DNAH17: variants seen among roughly 807,000 people sequenced by gnomAD.
DNAH17 encodes the protein axonemal beta dynein heavy chain 17.
A neutral mutation model predicts 485.6 loss-of-function variants in DNAH17; 376 were observed. The observed-to-expected ratio is 0.77, with a 90% CI of 0.71 to 0.84. DNAH17 has a LOEUF of 0.84. Among genes scored for constraint, DNAH17 ranks in the 40% least tolerant of loss-of-function variants. DNAH17 has a pLI of 0.00. For synonymous variants in DNAH17, 3,031 were observed against 2,405.9 expected (o/e 1.26, Z -7.60); for missense variants, 6,370 against 5,839.3 (o/e 1.09, Z -2.96).
In DNAH17 at chr17:78,439,150, C is replaced by G. The variant is rs778331560; in HGVS notation, c.11745G>C (p.Glu3915Asp). ...CGTCCAGGGCGTTCTCAGCCACCAC[C>G]TCTTGTCCCTGCCCCAGGGACACAT... ...LHNVSLGQGQ[E>D]VVAENALDVA... Residue 3915 changes from glutamate (E) to aspartate (D), a missense_variant, in exon 73 of 81, where the codon GAG (glutamate) becomes GAC (aspartate). Transcript: ENST00000389840. 20 of 1,613,700 alleles carry G rather than the reference C, an allele frequency of 1.2e-5. No individual in the cohort carries two copies. The highest frequency in any genetic ancestry group is 1.7e-5 in the Admixed American group (1 of 59,994).
In DNAH17 at chr17:78,476,667, C is replaced by T. The variant is rs748291573; in HGVS notation, c.8059G>A (p.Glu2687Lys). 6.2e-7 allele frequency: 1 copy of T among 1,613,098 alleles called. No individual in the cohort carries two copies. Among genetic ancestry groups the T allele is most frequent in the South Asian group, 1.1e-5 (1 of 90,820 alleles). ...TTGTCACCATACACTCGTTCAGTCTCATGTAGCCAAAGGCGGACGAGGTCC... is the reference window on the plus strand; with the variant it reads ...TTGTCACCATACACTCGTTCAGTCTTATGTAGCCAAAGGCGGACGAGGTCC... ...PLDLVRLWLHETERVYGDKMV... is the reference protein window; with the variant it reads ...PLDLVRLWLHKTERVYGDKMV... The change falls in exon 52 of 81, where the codon GAG becomes AAG. Residue 2687 changes from glutamate to lysine, a missense_variant. Transcript: ENST00000389840.
chr17:78,540,087 A>T (rs571297729), intron 17 of DNAH17, among the ~76,000 whole-genome samples: 2 of 151,978 alleles, frequency 1.3e-5, no homozygotes, highest in Admixed American at 6.6e-5. Flanking sequence ...CTGGCTTCCA[A>T]TCTTTTTGAT....
intron 40 of DNAH17, among the ~76,000 whole-genome samples, 180 bp downstream of exon 40, chr17:78,494,413 C>T (rs1051166433): frequency 1.3e-5 from 2 of 152,104 alleles, no homozygotes; most frequent in African/African-American, 4.8e-5. Context: ...AGTGACCTCC[C>T]CCAGCACTGA....
intron 1 of DNAH17, among the ~76,000 whole-genome samples, chr17:78,576,298 AAGCAGTAGTGGAT>A (rs371838180): frequency 9.2e-4 from 140 of 152,272 alleles, no homozygotes; most frequent in African/African-American, 3.3e-3. Flanking sequence ...ATATGATGGG[AAGCAGTAGTGGAT>A]AGCATTTGGA....
At position 78,571,383 on chromosome 17, in the gene DNAH17, G is replaced by A. The variant is rs1261291452; in HGVS notation, c.733-5C>T. ...GTTCACTTTGGGTCTGTTTAGCTGA[G>A]AAGGGGAGTGAAGATCCACCTTTCA... is the stretch of plus-strand genomic sequence containing the variant. On this transcript the variant is annotated splice_region_variant and splice_polypyrimidine_tract_variant and intron_variant, in intron 4 of 80. Transcript: ENST00000389840. 6 of 1,606,746 alleles carry A rather than the reference G, an allele frequency of 3.7e-6. No individual in the cohort carries two copies. The South Asian group carries it at 6.6e-5, about 18-fold the overall frequency.
At chr17:78,449,931 C>G (rs555088907) in intron 68 of DNAH17, 15 of 455,456 alleles carry the variant, frequency 3.3e-5, no homozygotes, top group African/African-American at 1.6e-4. Context: ...CCGCCTCGGC[C>G]CCCCATAGTG....
In DNAH17 at chr17:78,476,462, C is replaced by T. The variant is rs555490961; in HGVS notation, c.8154+110G>A. 104 of 1,293,106 alleles carry T rather than the reference C, an allele frequency of 8.0e-5. No individual in the cohort carries two copies. The African/African-American group carries it at 1.4e-3, about 17-fold the overall frequency. 80.1% of individuals were successfully genotyped at this position (1,293,106 alleles called of 1,614,324 possible). On this transcript the variant is annotated intron_variant, in intron 52 of 80. Transcript: ENST00000389840. ...GTGGAACCTAACACGGATCTTCCCACCCCCAACAAAGGGCCCTTCTGAGAG... is the reference window on the plus strand; with the variant it reads ...GTGGAACCTAACACGGATCTTCCCATCCCCAACAAAGGGCCCTTCTGAGAG...
rs2289750 is a variant in DNAH17, at chr17:78,441,261, G to A, written c.11529-62C>T. 0.083 allele frequency: 131,769 copies of A among 1,588,240 alleles called. 5,888 individuals are homozygous for A. Among genetic ancestry groups the A allele is most frequent in the Middle Eastern group, 0.12 (623 of 5,276 alleles). The stretch of plus-strand genomic sequence containing the variant: ...GGCTCTGGGCCAGGGCGGGGCGCTC[G>A]GGGTGGGCTGTGGCCCAGGCAGGGG... On this transcript the variant is annotated intron_variant, in intron 71 of 80. Transcript: ENST00000389840.
At chr17:78,545,052 C>T (rs1234213318) in intron 16 of DNAH17, among the ~76,000 whole-genome samples, 3 of 150,964 alleles carry the variant, frequency 2.0e-5, no homozygotes, top group African/African-American at 7.3e-5. Flanking sequence ...ACGGCTGCCT[C>T]TGTCACTCTT....
intron 50 of DNAH17, 30 bp from the exon 51 acceptor site, chr17:78,479,146 C>T (rs373385168): frequency 5.3e-5 from 85 of 1,606,404 alleles, no homozygotes; most frequent in Non-Finnish European, 6.8e-5. Flanking sequence ...TGTCAATTCT[C>T]ATGTACTCTT....
rs1412882497 is a variant in DNAH17 at position 78,506,742 on chromosome 17, G to C, written c.4781C>G (p.Ser1594Cys). The C allele has an allele frequency of 3.6e-5, 58 of 1,613,866 alleles. No homozygotes were observed. The highest frequency in any genetic ancestry group is 4.8e-5 in the Non-Finnish European group (57 of 1,179,884). Residue 1594 changes from serine (S) to cysteine (C), a missense_variant, in exon 30 of 81, where the codon TCC becomes TGC. Physicochemically the swap from Ser to Cys is moderately radical, Grantham distance 112 (BLOSUM62 -1). Coordinates refer to ENST00000389840, the MANE Select transcript of DNAH17 (RefSeq NM_173628.4). ...VSSADLLDIL[S>C]NGNDPVEVSR... The stretch of plus-strand genomic sequence containing the variant: ...TACCTCCACGGGGTCATTGCCATTG[G>C]AGAGAATGTCCAGGAGGTCAGCCGA...
At chr17:78,537,601 G>A (rs549810918) in intron 18 of DNAH17, 120 bp from the exon 19 acceptor site, 2 of 1,172,874 alleles carry the variant, frequency 1.7e-6, no homozygotes, top group East Asian at 5.1e-5. Flanking sequence ...TATCTGGGAA[G>A]CTTCTGAGAG....
intron 38 of DNAH17, among the ~76,000 whole-genome samples, chr17:78,495,578 C>T (rs2090040647): frequency 6.6e-6 from 1 of 152,042 alleles, no homozygotes; most frequent in African/African-American, 2.4e-5. Context: ...GCTGTGATTA[C>T]AGGCATGCAC....
At position 78,484,902 on chromosome 17, in the gene DNAH17, T is replaced by C. The variant is rs1161378312; in HGVS notation, c.7615A>G (p.Thr2539Ala). ...VDKYGTVAPH[T>A]LIRQHMDHRH... ...TGGTCCATGTGCTGCCGGATGAGGG[T>C]GTGCGGGGCCACCGTCCCATACTTG... The change falls in exon 48 of 81, where the codon ACC becomes GCC. Residue 2539 changes from threonine to alanine, a missense_variant. Thr to Ala is a moderately conservative substitution (Grantham distance 58). Transcript: ENST00000389840. The C allele has an allele frequency of 1.3e-6, 2 of 1,586,516 alleles. No homozygotes were observed. Among genetic ancestry groups the C allele is most frequent in the East Asian group, 2.3e-5 (1 of 43,474 alleles).
chr17:78,480,668 T>C lies in DNAH17; in HGVS notation c.7752+16A>G, dbSNP rs769561586. The C allele has an allele frequency of 6.2e-7, 1 of 1,606,698 alleles. No homozygotes were observed. The highest frequency in any genetic ancestry group is 1.1e-5 in the South Asian group (1 of 90,378). ...ACTCATGGCAGGTGACGGGGATGAG[T>C]ATGGTTTCTGCTTACCTGAAGCCTG... is the stretch of plus-strand genomic sequence containing the variant. On this transcript the variant is annotated intron_variant, in intron 49 of 80. Coordinates refer to ENST00000389840, the MANE Select transcript of DNAH17 (RefSeq NM_173628.4).
At chr17:78,431,805 C>T (rs974770698) in intron 75 of DNAH17, among the ~76,000 whole-genome samples, 1 of 152,130 alleles carries the variant, frequency 6.6e-6, no homozygotes, top group African/African-American at 2.4e-5. Context: ...GTACATGGTA[C>T]TCGCGCGGCT....
At chr17:78,470,671 AGAGT>A (rs2088707335) in intron 54 of DNAH17, among the ~76,000 whole-genome samples, 1 of 152,228 alleles carries the variant, frequency 6.6e-6, no homozygotes, top group Admixed American at 6.5e-5. Flanking sequence ...TCTGGGCAAC[AGAGT>A]GAGACTCCGT....
chr17:78,429,010 G>A lies in DNAH17; in HGVS notation c.12405+111C>T, dbSNP rs543376318. 6.1e-6 allele frequency: 7 copies of A among 1,151,682 alleles called. No individual in the cohort carries two copies. In the African/African-American group the frequency reaches 7.8e-5, roughly 13 times the overall value. The allele number at this position is 1,151,682 out of a possible 1,614,324, so 71.3% of individuals were successfully genotyped here. ...CGCATTTCTCATCCTCTCTTATTTT[G>A]GCTGCCTGGGTTCTTGCTCAATTAT... On this transcript the variant is annotated intron_variant, in intron 76 of 80. Transcript: ENST00000389840.
intron 72 of DNAH17, 103 bp from the exon 73 acceptor site, chr17:78,439,320 T>A: frequency 7.3e-7 from 1 of 1,367,672 alleles, no homozygotes; most frequent in Admixed American, 2.5e-5. Flanking sequence ...CCTCATTTAG[T>A]TTCGGTGGTG....
Sources: gnomAD v4.1 joint callset for allele counts (sites outside exome capture counted in the v4.1 genomes callset) on GRCh38, gnomAD v4.1.1 for gene constraint, MANE v1.5 for transcripts, NCBI Gene and HGNC (gene_info 2026-07-23, HGNC 2026-07-21) for gene names.